Variants in ABLIM2 observed in about 807,000 individuals in gnomAD.
ABLIM2 encodes the protein actin-binding LIM protein 2.
ABLIM2 carries 53 observed loss-of-function variants against 97.7 expected under a neutral mutation model. The observed-to-expected ratio is 0.54, with a 90% confidence interval of 0.44 to 0.68. ABLIM2 has a LOEUF of 0.68. ABLIM2 is among the 30% of genes least tolerant of loss of function. The pLI is 0.00. For synonymous variants in ABLIM2, 361 were observed against 345.8 expected, an observed-to-expected ratio of 1.04 and a Z score of -0.49; for missense variants, 835 against 867.2, an observed-to-expected ratio of 0.96 and a Z score of 0.47.
rs1305548700 is a variant in ABLIM2 at position 8,019,895 on chromosome 4, C to T, written c.1370-224G>A. 1.3e-5 allele frequency among the ~76,000 whole-genome samples: 2 copies of T among 152,184 alleles called. No individual in the cohort carries two copies. The highest frequency in any genetic ancestry group is 4.8e-5 in the African/African-American group (2 of 41,434). On this transcript the variant is annotated intron_variant, in intron 13 of 20. Transcript: ENST00000447017. This position sits in a 1 kb window ranked among gnomAD's most constrained non-coding sequence, Gnocchi z 4.3. Reference sequence around the variant, plus strand: ...CAGGAGATGGGGCAGCAGCCAGGAACCTTGTGGTCCCCCGGGAAGTGTAGC... The same window carrying T: ...CAGGAGATGGGGCAGCAGCCAGGAATCTTGTGGTCCCCCGGGAAGTGTAGC...
At chr4:8,088,144 A>T (rs749354924) in intron 4 of ABLIM2, 25 bp downstream of exon 4, 10 of 1,230,602 alleles carry the variant, frequency 8.1e-6, no homozygotes, top group Non-Finnish European at 1.1e-5. Flanking sequence ...CCCACTCAAC[A>T]TGCCCCCACT....
At chr4:7,981,960 C>G (rs1738852483) in intron 20 of ABLIM2, among the ~76,000 whole-genome samples, 1 of 152,210 alleles carries the variant, frequency 6.6e-6, no homozygotes, top group Non-Finnish European at 1.5e-5. Flanking sequence ...AGGGGCTTCC[C>G]CGGGCCTGGA....
At chr4:8,151,849 A>G (rs1712935838) in intron 1 of ABLIM2, among the ~76,000 whole-genome samples, 1 of 84,704 alleles carries the variant, frequency 1.2e-5, no homozygotes. Context: ...GGATTGCAGG[A>G]CTTGGGGTGG....
chr4:8,083,600 T>C lies in ABLIM2; in HGVS notation c.455-2798A>G, dbSNP rs891184598. ...AGTACACGTGGAGATGAGAGCAAGG[T>C]GCAAAAGGAGCGTTGCCATGGAAAC... is the stretch of plus-strand genomic sequence containing the variant. On this transcript the variant is annotated intron_variant, in intron 4 of 20. Coordinates refer to ENST00000447017, the MANE Select transcript of ABLIM2 (RefSeq NM_001130083.2). The surrounding 1 kb of genome is among the most constrained non-coding windows in gnomAD (Gnocchi z 4.6). Among the ~76,000 whole-genome samples the C allele has an allele frequency of 6.6e-6, 1 of 152,148 alleles. No individual in the cohort carries two copies. The highest frequency in any genetic ancestry group is 1.5e-5 in the Non-Finnish European group (1 of 68,024).
At chr4:8,141,200 C>T (rs914775448) in intron 1 of ABLIM2, among the ~76,000 whole-genome samples, 7 of 152,090 alleles carry the variant, frequency 4.6e-5, no homozygotes, top group African/African-American at 1.7e-4. Context: ...TCCCCACCCC[C>T]CGGAGCCCTA....
intron 3 of ABLIM2, among the ~76,000 whole-genome samples, chr4:8,091,755 A>G (rs1398406587): frequency 1.2e-5 from 1 of 82,024 alleles, no homozygotes; most frequent in Non-Finnish European, 2.0e-5. Flanking sequence ...ATATATTAAT[A>G]TTATATATTT....
At chr4:8,133,705 C>T (rs902818187) in intron 1 of ABLIM2, among the ~76,000 whole-genome samples, 1 of 152,340 alleles carries the variant, frequency 6.6e-6, no homozygotes. Flanking sequence ...GGGTCCATGC[C>T]CCGGCCCTCC....
chr4:8,085,166 C>A lies in ABLIM2; in HGVS notation c.454+3003G>T, dbSNP rs1272219513. Reference sequence around the variant, plus strand: ...GAGGGAAGCTCAGGGCCACGGGACTCAAGCTTGAGCTCTGCCTCAAGAGCC... The same window carrying A: ...GAGGGAAGCTCAGGGCCACGGGACTAAAGCTTGAGCTCTGCCTCAAGAGCC... On this transcript the variant is annotated intron_variant, in intron 4 of 20. Transcript: ENST00000447017. The surrounding 1 kb of genome is among the most constrained non-coding windows in gnomAD (Gnocchi z 6.1). Among the ~76,000 whole-genome samples the A allele has an allele frequency of 6.6e-6, 1 of 152,076 alleles. No homozygotes were observed. Among genetic ancestry groups the A allele is most frequent in the Non-Finnish European group, 1.5e-5 (1 of 67,986 alleles).
At chr4:8,105,700 A>C (rs975783071) in intron 2 of ABLIM2, among the ~76,000 whole-genome samples, 2 of 152,254 alleles carry the variant, frequency 1.3e-5, no homozygotes, top group Admixed American at 6.5e-5. Flanking sequence ...CGCACACCGC[A>C]GCAGGGATTT....
At chr4:8,154,324 C>G (rs1010214710) in intron 1 of ABLIM2, among the ~76,000 whole-genome samples, 2 of 145,024 alleles carry the variant, frequency 1.4e-5, no homozygotes, top group East Asian at 2.0e-4. Context: ...GCTCTGTCAC[C>G]AGGCTGGAGT....
chr4:8,062,173 G>A (rs1031872958), intron 6 of ABLIM2, among the ~76,000 whole-genome samples: 3 of 151,988 alleles, frequency 2.0e-5, no homozygotes, highest in Non-Finnish European at 2.9e-5. Context: ...ACCTCCACTC[G>A]GGAGCTTTCT....
intron 1 of ABLIM2, among the ~76,000 whole-genome samples, chr4:8,153,963 CTTTTT>C (rs55681745): frequency 7.6e-6 from 1 of 131,874 alleles, no homozygotes; most frequent in African/African-American, 2.8e-5. Context: ...AACTTCTTTT[CTTTTT>C]TTTTTTTTTT....
At chr4:8,126,516 C>T (rs1425808894) in intron 1 of ABLIM2, among the ~76,000 whole-genome samples, 1 of 151,592 alleles carries the variant, frequency 6.6e-6, no homozygotes, top group African/African-American at 2.4e-5. Context: ...ATCACCTTCA[C>T]CCCACAGGCC....
chr4:8,123,943 G>A lies in ABLIM2; in HGVS notation c.11-17306C>T, dbSNP rs905842783. Among the ~76,000 whole-genome samples, 1 of 152,180 alleles carries A rather than the reference G, an allele frequency of 6.6e-6. No individual in the cohort carries two copies. Among genetic ancestry groups the A allele is most frequent in the African/African-American group, 2.4e-5 (1 of 41,432 alleles). On this transcript the variant is annotated intron_variant, in intron 1 of 20. Transcript: ENST00000447017. This position sits in a 1 kb window ranked among gnomAD's most constrained non-coding sequence, Gnocchi z 6.2. ...ACTTCATTTTGATGACCTAAGGAAT[G>A]CTACTCATGGCTAGAAACCCAAACA...
chr4:8,116,643 G>C (rs920554447), intron 1 of ABLIM2, among the ~76,000 whole-genome samples: 2 of 152,226 alleles, frequency 1.3e-5, no homozygotes, highest in African/African-American at 4.8e-5. Context: ...AAGGCTGCTA[G>C]AAAGTGTTAC....
At chr4:8,103,782 C>G (rs1055263230) in intron 2 of ABLIM2, among the ~76,000 whole-genome samples, 11 of 152,228 alleles carry the variant, frequency 7.2e-5, no homozygotes, top group Non-Finnish European at 1.5e-4. Flanking sequence ...TTTCCGCCAG[C>G]TATGAGTCCG....
In ABLIM2 at chr4:8,124,151, T is replaced by C. The variant is rs1238404819; in HGVS notation, c.11-17514A>G. On this transcript the variant is annotated intron_variant, in intron 1 of 20. Transcript: ENST00000447017. The surrounding 1 kb of genome is among the most constrained non-coding windows in gnomAD (Gnocchi z 6.1). ...AACCTAGAATAATTCATCTATCTTC[T>C]CATAAGGCAGCACCTCGATGTGCTT... is the stretch of plus-strand genomic sequence containing the variant. Among the ~76,000 whole-genome samples, 1 of 152,182 alleles carries C rather than the reference T, an allele frequency of 6.6e-6. No individual in the cohort carries two copies. Among genetic ancestry groups the C allele is most frequent in the African/African-American group, 2.4e-5 (1 of 41,432 alleles).
intron 16 of ABLIM2, chr4:8,007,410 C>T: frequency 1.0e-6 from 1 of 985,526 alleles, no homozygotes; most frequent in Non-Finnish European, 1.2e-6. Context: ...TGAAAACTGC[C>T]CCCAGCCCAG....
intron 7 of ABLIM2, among the ~76,000 whole-genome samples, chr4:8,060,009 C>A (rs1002259325): frequency 6.6e-6 from 1 of 151,980 alleles, no homozygotes; most frequent in East Asian, 1.9e-4. Context: ...CCACCCTTTG[C>A]ACGTACACAA....
Sources: gnomAD v4.1 joint callset for allele counts (sites outside exome capture counted in the v4.1 genomes callset) on GRCh38, gnomAD v4.1.1 for gene constraint, Gnocchi (gnomAD v3.1) non-coding constraint, MANE v1.5 for transcripts, NCBI Gene and HGNC (gene_info 2026-07-23, HGNC 2026-07-21) for gene names.